ABLIM3: variants seen among roughly 807,000 people sequenced by gnomAD.
ABLIM3 encodes the protein actin binding LIM protein family member 3, also known as actin-binding LIM protein 3.
ABLIM3 carries 61 observed loss-of-function variants against 109.5 expected under a neutral mutation model. The observed-to-expected ratio is 0.56, with a 90% CI of 0.45 to 0.69. The LOEUF is 0.69. Ranked by LOEUF, ABLIM3 falls within the 30% of genes least tolerant of loss-of-function variation. The pLI, the probability that ABLIM3 is intolerant of heterozygous loss-of-function variation, is 0.00. For synonymous variants in ABLIM3, 300 were observed against 324.8 expected (o/e 0.92, Z 0.82); for missense variants, 796 against 889.5 (o/e 0.89, Z 1.34).
chr5:149,165,454 T>C (rs893206326), intron 2 of ABLIM3, among the ~76,000 whole-genome samples: 2 of 152,244 alleles, frequency 1.3e-5, no homozygotes, highest in Non-Finnish European at 2.9e-5. Context: ...TGCACTATAA[T>C]AGTGCAAACC....
intron 6 of ABLIM3, among the ~76,000 whole-genome samples, chr5:149,208,585 G>A (rs1396465338): frequency 1.3e-5 from 2 of 152,092 alleles, no homozygotes; most frequent in Non-Finnish European, 2.9e-5. Context: ...AGGAACTCCA[G>A]CAAAAGTCCC....
chr5:149,219,722 A>T (rs1167155948), intron 8 of ABLIM3: 2 of 152,232 alleles, frequency 1.3e-5, no homozygotes, highest in African/African-American at 4.8e-5. Flanking sequence ...AGGCTCAGCA[A>T]CCTGCACCCT....
In ABLIM3 at chr5:149,207,144, C is replaced by T. The variant is rs1188294694; in HGVS notation, c.575+10C>T. 2 of 1,611,332 alleles carry T rather than the reference C, an allele frequency of 1.2e-6. No individual in the cohort carries two copies. Among genetic ancestry groups the T allele is most frequent in the African/African-American group, 1.3e-5 (1 of 74,820 alleles). ...GGGAGTATATCAGCAAGTGGGTCCC[C>T]CTGCTCCTGCCCCAGCTGCCTGGGC... On this transcript the variant is annotated intron_variant, in intron 6 of 23. Transcript: ENST00000309868.
At chr5:149,182,045 C>T (rs920571095) in intron 2 of ABLIM3, among the ~76,000 whole-genome samples, 1 of 152,220 alleles carries the variant, frequency 6.6e-6, no homozygotes, top group Non-Finnish European at 1.5e-5. Context: ...TCACATTTCA[C>T]TGCCAAGCAA....
intron 2 of ABLIM3, among the ~76,000 whole-genome samples, chr5:149,167,085 T>C (rs1198936719): frequency 1.3e-5 from 2 of 152,230 alleles, no homozygotes; most frequent in Non-Finnish European, 2.9e-5. Context: ...GTGTTATGTC[T>C]GTAGCATCAG....
intron 11 of ABLIM3, 52 bp downstream of exon 11, chr5:149,237,655 C>T (rs535017363): frequency 1.2e-6 from 2 of 1,605,746 alleles, no homozygotes; most frequent in African/African-American, 2.7e-5. Flanking sequence ...GGAGATTGCT[C>T]TGGGGTCCCC....
At chr5:149,232,688 T>G (rs1761973195) in intron 9 of ABLIM3, among the ~76,000 whole-genome samples, 1 of 152,228 alleles carries the variant, frequency 6.6e-6, no homozygotes, top group Non-Finnish European at 1.5e-5. Context: ...CACCCTCTTA[T>G]GCATTAAGAC....
chr5:149,165,859 T>C (rs1754772394), intron 2 of ABLIM3, among the ~76,000 whole-genome samples: 1 of 152,164 alleles, frequency 6.6e-6, no homozygotes, highest in Non-Finnish European at 1.5e-5. Context: ...AAGTACCGGG[T>C]GCTAGTCCTG....
chr5:149,177,452 A>G (rs909899958), intron 2 of ABLIM3, among the ~76,000 whole-genome samples: 2 of 152,224 alleles, frequency 1.3e-5, no homozygotes, highest in African/African-American at 4.8e-5. Flanking sequence ...ATGCCCTAGG[A>G]TAACATAGAT....
intron 23 of ABLIM3, among the ~76,000 whole-genome samples, chr5:149,255,205 C>G (rs1322264534): frequency 2.0e-5 from 3 of 152,210 alleles, no homozygotes; most frequent in East Asian, 1.9e-4. Flanking sequence ...TGCCTCCACT[C>G]TCTTCCACCA....
chr5:149,252,807 G>A lies in ABLIM3; in HGVS notation c.1908G>A (p.Leu636=). ...TGACTACAAGAGGAAGAAACCGACT[G>A]CCCAAGGATGTAGACAGGACCCGTT... ...LLVTTRGRNR[L]PKDVDRTRLE... The change falls in exon 23 of 24, where the codon CTG becomes CTA. Residue 636 remains leucine, a synonymous_variant. Coordinates refer to ENST00000309868, the MANE Select transcript of ABLIM3 (RefSeq NM_014945.5). The A allele has an allele frequency of 6.2e-7, 1 of 1,613,454 alleles. No individual in the cohort carries two copies. The highest frequency in any genetic ancestry group is 8.5e-7 in the Non-Finnish European group (1 of 1,179,564).
At chr5:149,168,444 C>T (rs9325132) in intron 2 of ABLIM3, among the ~76,000 whole-genome samples, 33,366 of 152,056 alleles carry the variant, frequency 0.22, 4,175 homozygotes, top group African/African-American at 0.33. Flanking sequence ...TCGGAAGACA[C>T]GACGGAGTGA....
intron 14 of ABLIM3, among the ~76,000 whole-genome samples, chr5:149,241,064 C>T (rs149782145): frequency 3.0e-4 from 46 of 152,308 alleles, no homozygotes; most frequent in African/African-American, 1.1e-3. Context: ...CTGTGAGGGG[C>T]GCAGCAGGGG....
At chr5:149,223,851 G>T (rs1257829459) in intron 8 of ABLIM3, among the ~76,000 whole-genome samples, 2 of 152,218 alleles carry the variant, frequency 1.3e-5, no homozygotes, top group African/African-American at 4.8e-5. Context: ...AAAGAGGGAT[G>T]AGGCTAGGCT....
At chr5:149,189,074 TTTCAAC>T (rs1193690154) in intron 3 of ABLIM3, among the ~76,000 whole-genome samples, 3 of 152,196 alleles carry the variant, frequency 2.0e-5, no homozygotes, top group Admixed American at 6.5e-5. Flanking sequence ...GTTGGTTAAT[TTTCAAC>T]AAGGCTGTTG....
chr5:149,234,900 GGCC>G (rs1762199162), intron 10 of ABLIM3, among the ~76,000 whole-genome samples: 1 of 152,142 alleles, frequency 6.6e-6, no homozygotes, highest in Non-Finnish European at 1.5e-5. Context: ...GCTACTGAGG[GGCC>G]TTGTAAACCT....
At chr5:149,158,854 C>G (rs1754075084) in intron 2 of ABLIM3, among the ~76,000 whole-genome samples, 1 of 152,162 alleles carries the variant, frequency 6.6e-6, no homozygotes, top group African/African-American at 2.4e-5. Context: ...TAAAAAGGAG[C>G]TTAACATCAT....
At chr5:149,142,776 T>C (rs1752595472) in intron 2 of ABLIM3, among the ~76,000 whole-genome samples, 1 of 152,048 alleles carries the variant, frequency 6.6e-6, no homozygotes, top group Admixed American at 6.6e-5. Flanking sequence ...CAGGACCAGA[T>C]ATTTTGCTGC....
chr5:149,189,460 A>G (rs906255297), intron 3 of ABLIM3, among the ~76,000 whole-genome samples: 3 of 152,256 alleles, frequency 2.0e-5, no homozygotes, highest in African/African-American at 7.2e-5. Flanking sequence ...TATAAATCTG[A>G]AAAAATATTT....
Sources: allele counts gnomAD v4.1 joint callset (sites outside exome capture counted in the v4.1 genomes callset), GRCh38; gene constraint gnomAD v4.1.1; transcripts MANE v1.5; gene names NCBI Gene and HGNC (gene_info 2026-07-23, HGNC 2026-07-21).